The following ITSN1 variants were observed in gnomAD, a reference collection of about 807,000 sequenced individuals.
The protein encoded by ITSN1 is intersectin-1.
A neutral mutation model predicts 239.8 loss-of-function variants in ITSN1; 58 were observed. The observed-to-expected ratio is 0.24, with a 90% CI of 0.20 to 0.30. The LOEUF (loss-of-function observed/expected upper bound fraction) is 0.30, where lower values mean the gene tolerates loss of function less well. Among genes scored for constraint, ITSN1 ranks in the 10% least tolerant of loss-of-function variants. The pLI, the probability that ITSN1 is intolerant of heterozygous loss-of-function variation, is 1.00. For synonymous variants in ITSN1, 780 were observed against 770.8 expected (o/e 1.01, Z -0.20); for missense variants, 1,558 against 2,103.3 (o/e 0.74, Z 5.07).
At chr21:33,749,631 G>A (rs1199074663) in intron 5 of ITSN1, among the ~76,000 whole-genome samples, 1 of 149,572 alleles carries the variant, frequency 6.7e-6, no homozygotes, top group Admixed American at 6.7e-5. Context: ...GACAGAGCGA[G>A]ACTCCATCTC....
At chr21:33,842,837 T>A (rs1237155326) in intron 29 of ITSN1, among the ~76,000 whole-genome samples, 1 of 152,304 alleles carries the variant, frequency 6.6e-6, no homozygotes, top group African/African-American at 2.4e-5. Context: ...GAGAACACTT[T>A]TGATCTGCCA....
intron 1 of ITSN1, among the ~76,000 whole-genome samples, chr21:33,645,382 C>T (rs1161829281): frequency 2.0e-5 from 3 of 152,140 alleles, no homozygotes; most frequent in South Asian, 4.1e-4. Flanking sequence ...GTGGATCAAA[C>T]TTGTAATCCC....
chr21:33,875,556 C>A lies in ITSN1; in HGVS notation c.4341+35C>A, dbSNP rs768497257. ...CTTGGGGCTGGGCCCTGGTCTCCCC[C>A]GGCAGAGCCTCGCCTGCCAGCCTGG... On this transcript the variant is annotated intron_variant, in intron 34 of 39. Transcript: ENST00000381318. The A allele has an allele frequency of 1.6e-5, 25 of 1,597,808 alleles. No individual in the cohort carries two copies. The East Asian group carries it at 5.6e-4, about 36-fold the overall frequency.
chr21:33,694,537 C>G (rs944203212), intron 1 of ITSN1, among the ~76,000 whole-genome samples: 2 of 152,014 alleles, frequency 1.3e-5, no homozygotes, highest in African/African-American at 4.8e-5. Flanking sequence ...GAGAAAGGGT[C>G]TGGCCAGGCG....
chr21:33,704,942 A>G (rs201505033), intron 1 of ITSN1, among the ~76,000 whole-genome samples: 4 of 147,006 alleles, frequency 2.7e-5, no homozygotes, highest in African/African-American at 5.1e-5. Flanking sequence ...AAAAAAAAAA[A>G]AAAAATACAA....
At chr21:33,707,412 G>A (rs1340179856) in intron 1 of ITSN1, among the ~76,000 whole-genome samples, 4 of 152,086 alleles carry the variant, frequency 2.6e-5, no homozygotes, top group Non-Finnish European at 1.5e-5. Context: ...GTGAGGCACT[G>A]CACTTTAAAT....
intron 21 of ITSN1, among the ~76,000 whole-genome samples, chr21:33,813,319 G>A (rs1377162591): frequency 6.6e-6 from 1 of 151,856 alleles, no homozygotes; most frequent in East Asian, 1.9e-4. Flanking sequence ...AAGTAGCTGG[G>A]ATTACAGACT....
In ITSN1 at chr21:33,775,108, G is replaced by A; in HGVS notation, c.1596G>A (p.Gln532=). ...TCACCCATCTACAGCAACAATTACA[G>A]GTGAGGAAATATGCCTCTTAAAAGC... ...AEITHLQQQL[Q]ESQQMLGRLI... is the part of the protein sequence containing the mutation. Residue 532 remains glutamine (Q), a splice_region_variant and synonymous_variant, in exon 14 of 40, where the codon CAG becomes CAA. Coordinates refer to ENST00000381318, the MANE Select transcript of ITSN1 (RefSeq NM_003024.3). 6.2e-7 allele frequency: 1 copy of A among 1,605,308 alleles called. No homozygotes were observed. The highest frequency in any genetic ancestry group is 1.3e-5 in the African/African-American group (1 of 74,526).
chr21:33,888,035 A>C (rs1216518025), intron 39 of ITSN1, 117 bp from the exon 40 acceptor site: 2 of 989,448 alleles, frequency 2.0e-6, no homozygotes, highest in African/African-American at 3.3e-5. Context: ...TTTACATCAG[A>C]GCCCAGAGAA....
chr21:33,882,106 A>G lies in ITSN1; in HGVS notation c.4342-137A>G. 2 of 689,646 alleles carry G rather than the reference A, an allele frequency of 2.9e-6. No individual in the cohort carries two copies. The highest frequency in any genetic ancestry group is 3.9e-5 in the South Asian group (2 of 51,464). The allele number at this position is 689,646 out of a possible 1,614,324, so 42.7% of individuals were successfully genotyped here. A position where few individuals can be genotyped will look rare whatever the true frequency, so the allele number is the denominator to read the frequency against. ...GTCTGACTTTGATCTCTTGGCTCCAAAGTCTTCAAAGCTATCCTTGACTTT... is the reference window on the plus strand; with the variant it reads ...GTCTGACTTTGATCTCTTGGCTCCAGAGTCTTCAAAGCTATCCTTGACTTT... On this transcript the variant is annotated intron_variant, in intron 34 of 39. Coordinates refer to ENST00000381318, the MANE Select transcript of ITSN1 (RefSeq NM_003024.3). The surrounding 1 kb of genome is among the most constrained non-coding windows in gnomAD (Gnocchi z 4.5).
chr21:33,701,666 G>C (rs911242245), intron 1 of ITSN1, among the ~76,000 whole-genome samples: 4 of 151,632 alleles, frequency 2.6e-5, no homozygotes, highest in African/African-American at 9.7e-5. Flanking sequence ...GTGGTGGCAC[G>C]CACCTGTAAT....
At chr21:33,784,355 T>A (rs888767694) in intron 16 of ITSN1, among the ~76,000 whole-genome samples, 22 of 95,326 alleles carry the variant, frequency 2.3e-4, no homozygotes, top group East Asian at 5.8e-4. Flanking sequence ...ACACACACAC[T>A]AGTCAGGTAT....
intron 5 of ITSN1, among the ~76,000 whole-genome samples, chr21:33,737,502 C>CAT (rs1406938340): frequency 1.3e-5 from 2 of 152,038 alleles, no homozygotes; most frequent in Non-Finnish European, 2.9e-5. Flanking sequence ...GGGTAAAATA[C>CAT]ATATATATAT....
At chr21:33,824,689 A>G (rs2073884061) in intron 25 of ITSN1, among the ~76,000 whole-genome samples, 5 of 152,188 alleles carry the variant, frequency 3.3e-5, no homozygotes, top group Admixed American at 6.5e-5. Flanking sequence ...GCCCTGCTCT[A>G]GGAGTCCTGC....
intron 28 of ITSN1, 139 bp downstream of exon 28, chr21:33,834,563 C>T (rs1211027971): frequency 2.7e-5 from 18 of 665,366 alleles, no homozygotes; most frequent in Non-Finnish European, 4.4e-5. Context: ...GACTGACACC[C>T]AACTAATGTG....
chr21:33,804,344 G>T (rs1388780078), intron 20 of ITSN1, among the ~76,000 whole-genome samples: 1 of 152,126 alleles, frequency 6.6e-6, no homozygotes, highest in African/African-American at 2.4e-5. Flanking sequence ...GTGGTACCTT[G>T]TATATAGCAC....
At chr21:33,746,835 T>C (rs1426166840) in intron 5 of ITSN1, among the ~76,000 whole-genome samples, 1 of 151,196 alleles carries the variant, frequency 6.6e-6, no homozygotes, top group African/African-American at 2.4e-5. Context: ...AGAGTGAAAC[T>C]CTGTCACAGA....
chr21:33,885,380 A>G (rs1306129647), intron 37 of ITSN1, 59 bp from the exon 38 acceptor site: 2 of 1,453,632 alleles, frequency 1.4e-6, no homozygotes, highest in African/African-American at 1.4e-5. Flanking sequence ...AGGCTCACAG[A>G]GATGGGAAAG....
At chr21:33,849,577 A>AG (rs2148456399) in intron 29 of ITSN1, among the ~76,000 whole-genome samples, 1 of 152,176 alleles carries the variant, frequency 6.6e-6, no homozygotes, top group East Asian at 1.9e-4. Flanking sequence ...AAAAAAAAAA[A>AG]AAAAAAAGAC....
Sources: allele counts gnomAD v4.1 joint callset (sites outside exome capture counted in the v4.1 genomes callset), GRCh38; gene constraint gnomAD v4.1.1; non-coding constraint Gnocchi (gnomAD v3.1); transcripts MANE v1.5; gene names NCBI Gene and HGNC (gene_info 2026-07-23, HGNC 2026-07-21).